Variants in MED15 observed in about 807,000 individuals in gnomAD.
The protein encoded by MED15 is mediator complex subunit 15.
A neutral mutation model predicts 118.7 loss-of-function variants in MED15; 41 were observed. The observed-to-expected ratio is 0.35, with a 90% CI of 0.27 to 0.45. The LOEUF (loss-of-function observed/expected upper bound fraction) is 0.45. Among genes scored for constraint, MED15 ranks in the 20% least tolerant of loss-of-function variants. The pLI, the probability that MED15 is intolerant of heterozygous loss-of-function variation, is 1.00. For missense variants in MED15, 740 were observed against 1,025.5 expected (o/e 0.72, Z 3.80); for synonymous variants, 436 against 413.9 (o/e 1.05, Z -0.65).
At chr22:20,572,966 CTTTT>C (rs361635) in intron 8 of MED15, among the ~76,000 whole-genome samples, 1 of 137,072 alleles carries the variant, frequency 7.3e-6, no homozygotes, top group Admixed American at 7.3e-5. Context: ...ATCTCATTTT[CTTTT>C]TTTTTTTTTT....
At chr22:20,531,547 C>T (rs1362292893) in intron 1 of MED15, among the ~76,000 whole-genome samples, 1 of 152,216 alleles carries the variant, frequency 6.6e-6, no homozygotes, top group Non-Finnish European at 1.5e-5. Flanking sequence ...TGCCCCAGCA[C>T]ACGCCTTCTC....
At chr22:20,547,105 T>G (rs2055573967) in intron 2 of MED15, among the ~76,000 whole-genome samples, 1 of 152,220 alleles carries the variant, frequency 6.6e-6, no homozygotes, top group South Asian at 2.1e-4. Context: ...GTTTCTAATA[T>G]TATTAGCATA....
Position 20,586,762 on chromosome 22 carries a change from C to T in MED15, c.*58C>T, listed in dbSNP as rs2057148473. 1 of 1,597,958 alleles carries T rather than the reference C, an allele frequency of 6.3e-7. No homozygotes were observed. The highest frequency in any genetic ancestry group is 8.5e-7 in the Non-Finnish European group (1 of 1,173,766). ...GGGGCCAAGGACACACGCCTCCTGT[C>T]AGACACTTCTAGGTGTTGGCTTCCT... On this transcript the variant is annotated 3_prime_UTR_variant, in exon 18 of 18. Transcript: ENST00000263205.
chr22:20,573,676 C>G (rs1226182037), intron 8 of MED15: 1 of 152,210 alleles, frequency 6.6e-6, no homozygotes, highest in Non-Finnish European at 1.5e-5. Flanking sequence ...ATAAGAACAT[C>G]AGTCAGCAGT....
chr22:20,527,773 T>C (rs1569181380), intron 1 of MED15, among the ~76,000 whole-genome samples: 1 of 151,822 alleles, frequency 6.6e-6, no homozygotes, highest in Non-Finnish European at 1.5e-5. Context: ...GCCTGGTCAA[T>C]ATGGTGAAAC....
chr22:20,511,450 C>A (rs1209412852), intron 1 of MED15, among the ~76,000 whole-genome samples: 1 of 151,576 alleles, frequency 6.6e-6, no homozygotes, highest in Admixed American at 6.6e-5. Flanking sequence ...TACGTTCACA[C>A]CACTGCACTC....
chr22:20,536,102 C>T (rs1364691451), intron 1 of MED15, among the ~76,000 whole-genome samples: 1 of 151,196 alleles, frequency 6.6e-6, no homozygotes, highest in Non-Finnish European at 1.5e-5. Flanking sequence ...TCTTGAACTC[C>T]TGACCTCAGA....
intron 6 of MED15, among the ~76,000 whole-genome samples, chr22:20,565,323 G>A (rs956568446): frequency 8.5e-5 from 13 of 152,164 alleles, no homozygotes; most frequent in African/African-American, 3.1e-4. Flanking sequence ...ACACTCTGAG[G>A]CTTGGGACTA....
chr22:20,534,584 T>C (rs1016305100), intron 1 of MED15, among the ~76,000 whole-genome samples: 3 of 152,170 alleles, frequency 2.0e-5, no homozygotes, highest in Non-Finnish European at 4.4e-5. Context: ...TTGAAGGGCA[T>C]ACCTGCCTTG....
intron 5 of MED15, among the ~76,000 whole-genome samples, chr22:20,555,375 G>A (rs1004042968): frequency 6.6e-6 from 1 of 152,130 alleles, no homozygotes; most frequent in Non-Finnish European, 1.5e-5. Flanking sequence ...CCTAGCCCTG[G>A]GCAGGAGGGT....
chr22:20,586,394 A>G (rs2057135775), intron 17 of MED15, among the ~76,000 whole-genome samples, 174 bp from the exon 18 acceptor site: 1 of 152,198 alleles, frequency 6.6e-6, no homozygotes, highest in Non-Finnish European at 1.5e-5. Context: ...TTTGGTTCTC[A>G]CTGACGATGA....
At chr22:20,560,798 A>G (rs1024073127) in intron 5 of MED15, among the ~76,000 whole-genome samples, 15 of 152,204 alleles carry the variant, frequency 9.9e-5, no homozygotes, top group Non-Finnish European at 2.2e-4. Flanking sequence ...AGGGAAAACT[A>G]AGGCAATGAG....
intron 5 of MED15, among the ~76,000 whole-genome samples, chr22:20,558,923 A>G (rs2056122753): frequency 6.6e-6 from 1 of 152,240 alleles, no homozygotes; most frequent in African/African-American, 2.4e-5. Flanking sequence ...AACAGAAAAA[A>G]TAGACACATG....
chr22:20,508,221 G>A, intron 1 of MED15: 23 of 1,244,142 alleles, frequency 1.8e-5, no homozygotes, highest in Non-Finnish European at 2.4e-5. Context: ...GTGGGCGGTG[G>A]GACGGAGGAT....
In MED15 at chr22:20,585,759, G is replaced by A. The variant is rs201018718; in HGVS notation, c.2163G>A (p.Leu721=). The A allele has an allele frequency of 8.5e-5, 137 of 1,613,470 alleles. No individual in the cohort carries two copies. In the East Asian group the frequency reaches 2.4e-3, roughly 29 times the overall value. ...DDKDLPSVPP[L]ELSVPADYPA... ...AGGACCTCCCAAGTGTGCCACCACT[G>A]GAGCTCAGTGTGCCCGCTGACTATC... Residue 721 remains leucine, a synonymous_variant, in exon 17 of 18, where the codon CTG becomes CTA. Coordinates refer to ENST00000263205, the MANE Select transcript of MED15 (RefSeq NM_001003891.3).
At chr22:20,510,747 A>C (rs1008987963) in intron 1 of MED15, among the ~76,000 whole-genome samples, 2 of 152,222 alleles carry the variant, frequency 1.3e-5, no homozygotes, top group Admixed American at 1.3e-4. Context: ...CAGCTAGAGA[A>C]AATATCCTGC....
At chr22:20,528,831 C>A (rs996759917) in intron 1 of MED15, among the ~76,000 whole-genome samples, 1 of 152,200 alleles carries the variant, frequency 6.6e-6, no homozygotes, top group Non-Finnish European at 1.5e-5. Context: ...GGTGGGTTGG[C>A]CCCCTAGTCC....
intron 1 of MED15, among the ~76,000 whole-genome samples, chr22:20,532,924 C>T (rs2146424341): frequency 6.6e-6 from 1 of 152,292 alleles, no homozygotes; most frequent in African/African-American, 2.4e-5. Context: ...TTCTTTGTCT[C>T]AGGCTGTGCT....
chr22:20,554,938 C>G lies in MED15; in HGVS notation c.241C>G (p.Pro81Ala). The G allele has an allele frequency of 6.2e-7, 1 of 1,601,794 alleles. No individual in the cohort carries two copies. The highest frequency in any genetic ancestry group is 8.5e-7 in the Non-Finnish European group (1 of 1,177,116). The change falls in exon 5 of 18, where the codon CCT (proline) becomes GCT (alanine). Residue 81 changes from proline (P) to alanine (A), a missense_variant and splice_region_variant. Pro to Ala is a conservative substitution (Grantham distance 27). Transcript: ENST00000263205. ...NKKSQASVSD[P>A]MNALQSLTGG... ...GCTCTGCCCTTGTGTTCCCACAGAT[C>G]CTATGAATGCACTCCAGAGCCTGAC... is the stretch of plus-strand genomic sequence containing the variant.
Sources: gnomAD v4.1 joint callset for allele counts (sites outside exome capture counted in the v4.1 genomes callset) on GRCh38, gnomAD v4.1.1 for gene constraint, MANE v1.5 for transcripts, NCBI Gene and HGNC (gene_info 2026-07-23, HGNC 2026-07-21) for gene names.